Variants in PCDHA4 observed in about 807,000 individuals in gnomAD.
The protein encoded by PCDHA4 is protocadherin alpha-4.
In PCDHA4, 49 loss-of-function variants were observed where a neutral mutation model predicts 61.4. The ratio of observed to expected loss-of-function variants is 0.80; its 90% CI spans 0.63 to 1.01. The LOEUF is 1.01. PCDHA4 is among the 50% of genes least tolerant of loss of function. PCDHA4 has a pLI of 0.00. For synonymous variants in PCDHA4, 590 were observed against 550.3 expected (o/e 1.07, Z -1.01); for missense variants, 1,254 against 1,235.8 (o/e 1.01, Z -0.22).
At position 140,972,813 on chromosome 5, in the gene PCDHA4, G is replaced by A. The variant is rs559474622; in HGVS notation, c.2386-6136G>A. Reference sequence around the variant, plus strand: ...TGAGTAGCTGAGATTACAGGCACGCGCCACCACGCCTGGCTAATTTTTGTA... The same window carrying A: ...TGAGTAGCTGAGATTACAGGCACGCACCACCACGCCTGGCTAATTTTTGTA... On this transcript the variant is annotated intron_variant, in intron 1 of 3. Transcript: ENST00000530339. Among the ~76,000 whole-genome samples, 11 of 151,984 alleles carry A rather than the reference G, an allele frequency of 7.2e-5. No individual in the cohort carries two copies. In the East Asian group the frequency reaches 1.2e-3, roughly 16 times the overall value.
At chr5:140,969,493 C>T (rs1240479958) in intron 1 of PCDHA4, 5 of 1,445,166 alleles carry the variant, frequency 3.5e-6, no homozygotes, top group Non-Finnish European at 4.6e-6. Flanking sequence ...GCTATTTCCT[C>T]TCTAGAAAAA....
intron 1 of PCDHA4, chr5:140,834,737 T>C (rs2150225179): frequency 1.9e-6 from 3 of 1,614,230 alleles, no homozygotes; most frequent in African/African-American, 1.3e-5. Context: ...AGGTTTTCCA[T>C]GTGGACGTGG....
Position 140,851,117 on chromosome 5 carries a change from T to C in PCDHA4, c.2385+41545T>C, listed in dbSNP as rs932245132. 14 of 1,306,346 alleles carry C rather than the reference T, an allele frequency of 1.1e-5. No homozygotes were observed. The African/African-American group carries it at 2.0e-4, about 19-fold the overall frequency. 80.9% of individuals were successfully genotyped at this position (1,306,346 alleles called of 1,614,324 possible). On this transcript the variant is annotated intron_variant, in intron 1 of 3. Transcript: ENST00000530339. ...ATATTTTTTGGGTGCTGAATCAATT[T>C]TATTTAAATTTGTGATTAAAGTGAC... is the stretch of plus-strand genomic sequence containing the variant.
intron 2 of PCDHA4, among the ~76,000 whole-genome samples, chr5:140,981,011 T>C (rs1363062809): frequency 6.6e-6 from 1 of 152,132 alleles, no homozygotes; most frequent in African/African-American, 2.4e-5. Flanking sequence ...CCAGGAACAC[T>C]TGAAGGCTGT....
At chr5:140,997,978 C>A (rs1205743045) in intron 3 of PCDHA4, among the ~76,000 whole-genome samples, 2 of 152,182 alleles carry the variant, frequency 1.3e-5, no homozygotes, top group Admixed American at 1.3e-4. Context: ...TTGGACTGCA[C>A]TTGTTACATA....
intron 1 of PCDHA4, 188 bp downstream of exon 1, chr5:140,809,760 T>C: frequency 1.6e-6 from 1 of 608,668 alleles, no homozygotes; most frequent in Non-Finnish European, 2.8e-6. Flanking sequence ...CTTCATTTTA[T>C]GCTGCATTAT....
intron 1 of PCDHA4, chr5:140,870,979 T>C: frequency 6.2e-7 from 1 of 1,613,556 alleles, no homozygotes; most frequent in Non-Finnish European, 8.5e-7. Flanking sequence ...CGTGGGGCTG[T>C]ACACGGGCGA....
chr5:140,834,714 G>A (rs2150224744), intron 1 of PCDHA4: 2 of 1,614,274 alleles, frequency 1.2e-6, no homozygotes, highest in Admixed American at 1.7e-5. Flanking sequence ...GGTGATCGTG[G>A]AAAGGCCGCT....
intron 1 of PCDHA4, among the ~76,000 whole-genome samples, chr5:140,833,768 C>CT (rs1772646157): frequency 7.0e-6 from 1 of 142,080 alleles, no homozygotes; most frequent in Non-Finnish European, 1.6e-5. Flanking sequence ...ACACACACAC[C>CT]GCTTTCTAAG....
intron 1 of PCDHA4, among the ~76,000 whole-genome samples, chr5:140,833,426 G>T (rs1488860880): frequency 1.3e-5 from 2 of 152,166 alleles, no homozygotes; most frequent in Admixed American, 6.5e-5. Flanking sequence ...ATGTGAGATG[G>T]CTGAGCACTG....
rs1581464132 is a variant in PCDHA4, at chr5:140,857,670, T to A, written c.2385+48098T>A. 10 of 1,596,646 alleles carry A rather than the reference T, an allele frequency of 6.3e-6. No homozygotes were observed. In the East Asian group the frequency reaches 2.2e-4, roughly 36 times the overall value. ...CAGGTGAGCGCGCGCGATGGGGGCG[T>A]GCCGCCTCTGGGCAGCAACTTGACG... On this transcript the variant is annotated intron_variant, in intron 1 of 3. Transcript: ENST00000530339.
intron 1 of PCDHA4, among the ~76,000 whole-genome samples, chr5:140,954,107 C>G (rs1375819333): frequency 2.0e-5 from 3 of 152,182 alleles, no homozygotes; most frequent in Admixed American, 1.3e-4. Flanking sequence ...CTGCAAAGGA[C>G]AAGATCTTGT....
rs1554144120 is a variant in PCDHA4, at chr5:140,850,272, A to G, written c.2385+40700A>G. 1.2e-5 allele frequency: 19 copies of G among 1,594,612 alleles called. 2 individuals carry two copies. The highest frequency in any genetic ancestry group is 7.7e-6 in the Non-Finnish European group (9 of 1,167,372). Reference sequence around the variant, plus strand: ...GGTGGGCGCCGGCGTAGTGGTGGGGAAGGTGCGCGCAGTGGACGCCGACTC... The same window carrying G: ...GGTGGGCGCCGGCGTAGTGGTGGGGGAGGTGCGCGCAGTGGACGCCGACTC... On this transcript the variant is annotated intron_variant, in intron 1 of 3. Transcript: ENST00000530339.
chr5:140,902,225 A>G (rs1454445915), intron 1 of PCDHA4, among the ~76,000 whole-genome samples: 1 of 114,610 alleles, frequency 8.7e-6, no homozygotes, highest in African/African-American at 3.5e-5. Context: ...TTTTTTTGAG[A>G]TGAGGACTTG....
intron 1 of PCDHA4, chr5:140,857,655 C>A: frequency 1.3e-6 from 2 of 1,596,728 alleles, no homozygotes; most frequent in East Asian, 2.2e-5. Context: ...CAGGTGAGCG[C>A]GCGCGATGGG....
intron 1 of PCDHA4, chr5:140,870,988 G>T: frequency 6.2e-7 from 1 of 1,613,492 alleles, no homozygotes; most frequent in Non-Finnish European, 8.5e-7. Flanking sequence ...GTACACGGGC[G>T]AGATAAGCAC....
chr5:140,914,944 C>CT (rs35695909), intron 1 of PCDHA4, among the ~76,000 whole-genome samples: 3,966 of 128,238 alleles, frequency 0.031, 97 homozygotes, highest in Middle Eastern at 0.041. Context: ...GAAAAGTTGT[C>CT]TTTTTTTTTT....
chr5:140,943,751 TAGG>T (rs1284418706), intron 1 of PCDHA4, among the ~76,000 whole-genome samples: 1 of 152,048 alleles, frequency 6.6e-6, no homozygotes, highest in Non-Finnish European at 1.5e-5. Flanking sequence ...CTAAAAGCAG[TAGG>T]AGATGTAGGA....
At chr5:140,905,408 C>G (rs1374273315) in intron 1 of PCDHA4, among the ~76,000 whole-genome samples, 1 of 152,142 alleles carries the variant, frequency 6.6e-6, no homozygotes, top group Non-Finnish European at 1.5e-5. Flanking sequence ...TATTTTTATA[C>G]CAGTACCATG....
Sources: gnomAD v4.1 joint callset for allele counts (sites outside exome capture counted in the v4.1 genomes callset) on GRCh38, gnomAD v4.1.1 for gene constraint, MANE v1.5 for transcripts, NCBI Gene and HGNC (gene_info 2026-07-23, HGNC 2026-07-21) for gene names.